Variants in IL3RA observed in about 807,000 individuals in gnomAD.
IL3RA encodes the protein interleukin 3 receptor subunit alpha.
In IL3RA, 73 loss-of-function variants were observed where a neutral mutation model predicts 52.3. That is an observed-to-expected ratio of 1.40 (90% confidence interval 1.16 to 1.70). IL3RA has a LOEUF of 1.70. Ranked by LOEUF, IL3RA falls within the 40% of genes most tolerant of loss-of-function variation. IL3RA has a pLI of 0.00. For missense variants in IL3RA, 664 were observed against 504.4 expected, an observed-to-expected ratio of 1.32 and a Z score of -3.03; for synonymous variants, 260 against 194.0, an observed-to-expected ratio of 1.34 and a Z score of -2.83.
rs1480665453 is a variant in IL3RA, at chrX:1,344,635, T to C, written c.65-681T>C. On this transcript the variant is annotated intron_variant, in intron 2 of 11. Coordinates refer to ENST00000331035, the MANE Select transcript of IL3RA (RefSeq NM_002183.4). ...TAAAAATACAAAAATTAGCCGGGCG[T>C]GGTGGTGGGCTCCTGTAATCCTAGC... Among the ~76,000 whole-genome samples the C allele has an allele frequency of 8.8e-5, 13 of 148,256 alleles. No individual in the cohort carries two copies. The East Asian group carries it at 1.6e-3, about 19-fold the overall frequency.
chrX:1,353,596 C>T (rs2086310434), intron 6 of IL3RA, among the ~76,000 whole-genome samples: 1 of 145,116 alleles, frequency 6.9e-6, no homozygotes, highest in African/African-American at 2.7e-5. Context: ...CACATGGGAT[C>T]CCCCATCATA....
intron 8 of IL3RA, among the ~76,000 whole-genome samples, chrX:1,361,295 G>T (rs1438765992): frequency 3.3e-5 from 5 of 151,606 alleles, no homozygotes; most frequent in African/African-American, 1.2e-4. Context: ...CCCTGTATTA[G>T]TCCATTGTCA....
chrX:1,382,229 G>A (rs868116256), intron 11 of IL3RA, among the ~76,000 whole-genome samples, 162 bp from the exon 12 acceptor site: 3 of 152,172 alleles, frequency 2.0e-5, no homozygotes, highest in African/African-American at 4.8e-5. Context: ...GATTACAGGT[G>A]TGACCCACCG....
At chrX:1,368,768 G>GC (rs2088394181) in intron 9 of IL3RA, among the ~76,000 whole-genome samples, 1 of 142,876 alleles carries the variant, frequency 7.0e-6, no homozygotes, top group African/African-American at 2.7e-5. Context: ...AACCAGCACT[G>GC]CCCACACCTG....
chrX:1,348,300 C>G lies in IL3RA; in HGVS notation c.184-131C>G, dbSNP rs185172663. ...CCCGGGAGGGAGAGGCTGCAGTGAG[C>G]CGAGATCACGCCACTGCACTCCAGC... On this transcript the variant is annotated intron_variant, in intron 3 of 11. Coordinates refer to ENST00000331035, the MANE Select transcript of IL3RA (RefSeq NM_002183.4). 8.3e-5 allele frequency: 60 copies of G among 727,232 alleles called. No individual in the cohort carries two copies. The East Asian group carries it at 1.4e-3, about 17-fold the overall frequency. The allele number at this position is 727,232 out of a possible 1,614,324, so 45.0% of individuals were successfully genotyped here.
intron 6 of IL3RA, among the ~76,000 whole-genome samples, chrX:1,353,490 C>G (rs1489815740): frequency 6.6e-6 from 1 of 150,608 alleles, no homozygotes; most frequent in African/African-American, 2.5e-5. Context: ...CATCATGAGT[C>G]ATGGGACCCC....
intron 4 of IL3RA, 57 bp downstream of exon 4, chrX:1,348,602 C>A (rs1287904385): frequency 8.2e-7 from 1 of 1,220,638 alleles, no homozygotes; most frequent in African/African-American, 1.5e-5. Context: ...TTCCCTCTCT[C>A]CCTCCCTCTC....
rs748350063 is a variant in IL3RA at position 1,378,688 on chromosome X, C to T, written c.904C>T (p.Arg302Cys). 23 of 1,612,604 alleles carry T rather than the reference C, an allele frequency of 1.4e-5. 1 individual carries two copies. The highest frequency in any genetic ancestry group is 1.9e-5 in the Non-Finnish European group (23 of 1,179,852). Residue 302 changes from arginine (R) to cysteine (C), a missense_variant, in exon 10 of 12, where the codon CGT (arginine) becomes TGT (cysteine). Arg to Cys is a radical substitution (Grantham distance 180). Transcript: ENST00000331035. The part of the protein sequence containing the change: ...ECDQEEGANT[R>C]AWRTSLLIAL... ...CGACCAGGAGGAGGGCGCAAACACA[C>T]GTGCCTGGCGGACGTCGCTGCTGAT...
intron 2 of IL3RA, among the ~76,000 whole-genome samples, chrX:1,344,190 T>G (rs1443960620): frequency 6.6e-6 from 1 of 152,022 alleles, no homozygotes; most frequent in African/African-American, 2.4e-5. Context: ...TCCCAGCACT[T>G]TGGGAGGCTG....
chrX:1,365,074 G>A (rs2087813614), intron 8 of IL3RA, 64 bp from the exon 9 acceptor site: 2 of 1,230,990 alleles, frequency 1.6e-6, no homozygotes, highest in African/African-American at 1.5e-5. Flanking sequence ...CTCCCTAAGT[G>A]CCCAGGTGAG....
rs776812933 is a variant in IL3RA at position 1,348,519 on chromosome X, C to A, written c.272C>A (p.Ser91Tyr). Residue 91 changes from serine (S) to tyrosine (Y), a missense_variant, in exon 4 of 12, where the codon TCC (serine) becomes TAC (tyrosine). Transcript: ENST00000331035. The part of the protein sequence containing the change: ...YTVRVANPPF[S>Y]TWILFPENSG... Reference sequence around the variant, plus strand: ...GTCCGAGTGGCCAACCCACCATTCTCCACGTGGATCCTCTTCCCTGAGAAC... The same window carrying A: ...GTCCGAGTGGCCAACCCACCATTCTACACGTGGATCCTCTTCCCTGAGAAC... The A allele has an allele frequency of 6.2e-7, 1 of 1,613,586 alleles. No individual in the cohort carries two copies. The highest frequency in any genetic ancestry group is 2.2e-5 in the East Asian group (1 of 44,878).
At chrX:1,348,678 CTTTCTTTCTT>C in intron 4 of IL3RA, 133 bp downstream of exon 4, 1 of 476,762 alleles carries the variant, frequency 2.1e-6, no homozygotes, top group Non-Finnish European at 3.6e-6. Context: ...TTCTTTCTTT[CTTTCTTTCTT>C]TCTTTTTCTT....
intron 9 of IL3RA, among the ~76,000 whole-genome samples, chrX:1,367,707 C>CGCGGGGTGAGCCGGGTGT (rs2088239496): frequency 1.0e-5 from 1 of 100,006 alleles, no homozygotes; most frequent in Non-Finnish European, 1.9e-5. Flanking sequence ...GAGCCGGGTG[C>CGCGGGGTGAGCCGGGTGT]GCGGGGTGAG....
At chrX:1,348,304 GATC>G in intron 3 of IL3RA, 124 bp from the exon 4 acceptor site, 1 of 748,056 alleles carries the variant, frequency 1.3e-6, no homozygotes, top group South Asian at 1.6e-5. Flanking sequence ...AGTGAGCCGA[GATC>G]ACGCCACTGC....
intron 11 of IL3RA, among the ~76,000 whole-genome samples, 197 bp downstream of exon 11, chrX:1,381,301 G>A (rs767383036): frequency 1.0e-3 from 151 of 151,324 alleles, no homozygotes; most frequent in African/African-American, 3.5e-3. Flanking sequence ...GGGAGGCTGA[G>A]GGAGGAGGAT....
At chrX:1,345,043 C>T (rs1451969143) in intron 2 of IL3RA, among the ~76,000 whole-genome samples, 1 of 150,820 alleles carries the variant, frequency 6.6e-6, no homozygotes, top group Admixed American at 6.6e-5. Context: ...GTGGCGGGCG[C>T]CTGTAGTCCC....
chrX:1,348,418 A>G lies in IL3RA; in HGVS notation c.184-13A>G. 2 of 1,586,172 alleles carry G rather than the reference A, an allele frequency of 1.3e-6. No individual in the cohort carries two copies. Among genetic ancestry groups the G allele is most frequent in the Non-Finnish European group, 1.7e-6 (2 of 1,154,612 alleles). ...GTCTGTCAGCAGCCATCATAGTCCT[A>G]TGTCTCTCTTAGGCAGTGAACAATA... On this transcript the variant is annotated splice_polypyrimidine_tract_variant and intron_variant, in intron 3 of 11. Coordinates refer to ENST00000331035, the MANE Select transcript of IL3RA (RefSeq NM_002183.4).
chrX:1,348,175 T>G (rs1176597805), intron 3 of IL3RA, among the ~76,000 whole-genome samples: 1 of 149,516 alleles, frequency 6.7e-6, no homozygotes, highest in African/African-American at 2.5e-5. Context: ...GGTGAAACCC[T>G]GTCTCTACCC....
intron 7 of IL3RA, 84 bp downstream of exon 7, chrX:1,356,420 G>T (rs1362864776): frequency 1.4e-5 from 11 of 776,520 alleles, no homozygotes; most frequent in Non-Finnish European, 4.2e-6. Context: ...GCCTTGAAAC[G>T]GGCAACAATC....
Sources: gnomAD v4.1 joint callset for allele counts (sites outside exome capture counted in the v4.1 genomes callset) on GRCh38, gnomAD v4.1.1 for gene constraint, MANE v1.5 for transcripts, NCBI Gene and HGNC (gene_info 2026-07-23, HGNC 2026-07-21) for gene names.